The following MAP3K8 variants were observed in gnomAD, a reference collection of about 807,000 sequenced individuals.
MAP3K8 encodes the protein mitogen-activated protein kinase kinase kinase 8, also known as Ewing sarcoma transformant.
A neutral mutation model predicts 45.8 loss-of-function variants in MAP3K8; 22 were observed. The observed-to-expected ratio is 0.48, with a 90% CI of 0.34 to 0.69. MAP3K8 has a LOEUF of 0.69. MAP3K8 is among the 30% of genes least tolerant of loss of function. The pLI is 0.01. For missense variants in MAP3K8, 419 were observed against 585.0 expected, an observed-to-expected ratio of 0.72 and a Z score of 2.93; for synonymous variants, 223 against 214.3, an observed-to-expected ratio of 1.04 and a Z score of -0.36.
chr10:30,447,770 A>G lies in MAP3K8; in HGVS notation c.337-12A>G. On this transcript the variant is annotated splice_polypyrimidine_tract_variant and intron_variant, in intron 3 of 8. Coordinates refer to ENST00000263056, the MANE Select transcript of MAP3K8 (RefSeq NM_005204.4). ...GAAGTTCTCACCGTCTCACATTTTT[A>G]TTTTGTTGTAGGTCATCACTCCCCA... 4 of 1,610,622 alleles carry G rather than the reference A, an allele frequency of 2.5e-6. No individual in the cohort carries two copies. Among genetic ancestry groups the G allele is most frequent in the Non-Finnish European group, 3.4e-6 (4 of 1,178,632 alleles).
intron 3 of MAP3K8, among the ~76,000 whole-genome samples, chr10:30,447,405 G>A (rs985535023): frequency 1.3e-5 from 2 of 152,142 alleles, no homozygotes; most frequent in Admixed American, 6.5e-5. Flanking sequence ...TAACAGGTTC[G>A]CACATTGTAA....
At chr10:30,438,336 A>G (rs1011923740) in intron 2 of MAP3K8, among the ~76,000 whole-genome samples, 1 of 152,260 alleles carries the variant, frequency 6.6e-6, no homozygotes, top group African/African-American at 2.4e-5. Flanking sequence ...CATAAGAATC[A>G]TTCCTGAAAC....
At chr10:30,441,263 T>TCCTCTG (rs1836097367) in intron 3 of MAP3K8, among the ~76,000 whole-genome samples, 1 of 151,966 alleles carries the variant, frequency 6.6e-6, no homozygotes, top group Non-Finnish European at 1.5e-5. Flanking sequence ...TTCAAGCAAT[T>TCCTCTG]CCTCTGCCTC....
chr10:30,436,431 A>T (rs1253363524), intron 1 of MAP3K8, among the ~76,000 whole-genome samples: 3 of 152,038 alleles, frequency 2.0e-5, no homozygotes, highest in Non-Finnish European at 4.4e-5. Flanking sequence ...GAAAAGTCTC[A>T]GCGTCAGACA....
At chr10:30,445,968 G>A (rs1379716500) in intron 3 of MAP3K8, among the ~76,000 whole-genome samples, 4 of 152,194 alleles carry the variant, frequency 2.6e-5, no homozygotes, top group Non-Finnish European at 5.9e-5. Flanking sequence ...GAAGTCCCAT[G>A]CATCTGCAGA....
chr10:30,451,872 C>A, intron 6 of MAP3K8, 128 bp downstream of exon 6: 1 of 519,240 alleles, frequency 1.9e-6, no homozygotes, highest in Non-Finnish European at 3.4e-6. Flanking sequence ...CATTATTTTC[C>A]TTGGAACACA....
chr10:30,453,205 A>G (rs549495287), intron 6 of MAP3K8, among the ~76,000 whole-genome samples: 235 of 152,256 alleles, frequency 1.5e-3, no homozygotes, highest in Admixed American at 3.2e-3. Flanking sequence ...TCTAACCCTA[A>G]GGTCTAACTG....
chr10:30,444,911 T>C (rs8176989), intron 3 of MAP3K8, among the ~76,000 whole-genome samples: 2,107 of 152,306 alleles, frequency 0.014, 46 homozygotes, highest in African/African-American at 0.049. Context: ...CTAACTAGCA[T>C]GTTCCTTAAC....
At chr10:30,443,135 A>G (rs1836172192) in intron 3 of MAP3K8, among the ~76,000 whole-genome samples, 1 of 152,210 alleles carries the variant, frequency 6.6e-6, no homozygotes, top group African/African-American at 2.4e-5. Context: ...AGTGGTGAAG[A>G]CGATGGGTCC....
chr10:30,435,744 A>G (rs1349339667), intron 1 of MAP3K8, among the ~76,000 whole-genome samples: 1 of 152,150 alleles, frequency 6.6e-6, no homozygotes, highest in Non-Finnish European at 1.5e-5. Flanking sequence ...GGGTTTCACC[A>G]TGTTGGCCAG....
At position 30,434,273 on chromosome 10, in the gene MAP3K8, T is replaced by C. The variant is rs538248033; in HGVS notation, c.-360T>C. ...TGCCGCTGCCGCCGCCGGATCCCAG[T>C]GGCCCGGCGTGCTCGGCTCCCACAG... is the stretch of plus-strand genomic sequence containing the variant. On this transcript the variant is annotated 5_prime_UTR_variant, in exon 1 of 9. Transcript: ENST00000263056. 5.6e-6 allele frequency: 1 copy of C among 180,124 alleles called. No homozygotes were observed. Among genetic ancestry groups the C allele is most frequent in the African/African-American group, 2.4e-5 (1 of 42,078 alleles). 11.2% of individuals were successfully genotyped at this position (180,124 alleles called of 1,614,324 possible).
intron 3 of MAP3K8, among the ~76,000 whole-genome samples, chr10:30,440,479 G>A (rs1447559591): frequency 2.0e-5 from 3 of 152,132 alleles, no homozygotes; most frequent in Non-Finnish European, 2.9e-5. Context: ...CAGGTATGTA[G>A]TGAATTGTTT....
chr10:30,436,050 T>C (rs1018769595), intron 1 of MAP3K8, among the ~76,000 whole-genome samples: 2 of 152,228 alleles, frequency 1.3e-5, no homozygotes, highest in Non-Finnish European at 2.9e-5. Context: ...CTGAAATAAT[T>C]CAGTGTAACT....
At chr10:30,457,703 T>C (rs1244461235) in intron 6 of MAP3K8, among the ~76,000 whole-genome samples, 1 of 152,156 alleles carries the variant, frequency 6.6e-6, no homozygotes, top group East Asian at 1.9e-4. Flanking sequence ...TGGAGTGCAG[T>C]GGTGCGATCT....
At chr10:30,440,627 T>C (rs886589826) in intron 3 of MAP3K8, among the ~76,000 whole-genome samples, 1 of 152,218 alleles carries the variant, frequency 6.6e-6, no homozygotes, top group Non-Finnish European at 1.5e-5. Context: ...AGAATATTTC[T>C]TCCTTTTATA....
intron 5 of MAP3K8, among the ~76,000 whole-genome samples, chr10:30,450,863 C>A (rs1324059294): frequency 6.6e-6 from 1 of 151,600 alleles, no homozygotes; most frequent in African/African-American, 2.4e-5. Flanking sequence ...AAGTTGATCA[C>A]CTGAAGTCAG....
chr10:30,439,027 T>C lies in MAP3K8; in HGVS notation c.89T>C (p.Met30Thr). Reference protein sequence around the residue: ...HLNVSDVIDIMENLYASEEPA... With the variant: ...HLNVSDVIDITENLYASEEPA... ...AATGTGTCTGATGTAATAGACATTA[T>C]GGAAAATCTTTATGCAAGTGAAGAG... Residue 30 changes from methionine (M) to threonine (T), a missense_variant, in exon 3 of 9, where the codon ATG becomes ACG. Transcript: ENST00000263056. 1 of 1,613,478 alleles carries C rather than the reference T, an allele frequency of 6.2e-7. No homozygotes were observed. The highest frequency in any genetic ancestry group is 1.1e-5 in the South Asian group (1 of 91,076).
At position 30,447,782 on chromosome 10, in the gene MAP3K8, G is replaced by A. The variant is rs1243797037; in HGVS notation, c.337G>A (p.Val113Ile). The A allele has an allele frequency of 6.2e-7, 1 of 1,613,236 alleles. No individual in the cohort carries two copies. The highest frequency in any genetic ancestry group is 1.7e-5 in the Admixed American group (1 of 59,826). ...GTCTCACATTTTTATTTTGTTGTAG[G>A]TCATCACTCCCCAAAATGGACGTTA... ...PQESGILLNM[V>I]ITPQNGRYQI... Residue 113 changes from valine to isoleucine, a missense_variant and splice_region_variant, in exon 4 of 9, where the codon GTC becomes ATC. Around this residue, in one of 3 missense-constraint regions of MAP3K8, gnomAD observed 209 missense variants for 367.3 expected, o/e 0.57. Coordinates refer to ENST00000263056, the MANE Select transcript of MAP3K8 (RefSeq NM_005204.4).
chr10:30,439,963 C>T (rs1022205227), intron 3 of MAP3K8, among the ~76,000 whole-genome samples: 1 of 152,182 alleles, frequency 6.6e-6, no homozygotes, highest in African/African-American at 2.4e-5. Flanking sequence ...ATTATTTGTT[C>T]CTTTCTTGTC....
Sources: gnomAD v4.1 joint callset for allele counts (sites outside exome capture counted in the v4.1 genomes callset) on GRCh38, gnomAD v4.1.1 for gene constraint, gnomAD v4.1.1 regional missense constraint, MANE v1.5 for transcripts, NCBI Gene and HGNC (gene_info 2026-07-23, HGNC 2026-07-21) for gene names.